Variants in TENM2 observed in about 807,000 individuals in gnomAD.
TENM2 encodes the protein teneurin transmembrane protein 2.
TENM2 carries 52 observed loss-of-function variants against 245.2 expected under a neutral mutation model. The observed-to-expected ratio is 0.21, with a 90% confidence interval of 0.17 to 0.27. The LOEUF is 0.27. Ranked by LOEUF, TENM2 falls within the 10% of genes least tolerant of loss-of-function variation. TENM2 has a pLI of 1.00. For missense variants in TENM2, 3,046 were observed against 3,666.8 expected, an observed-to-expected ratio of 0.83 and a Z score of 4.37; for synonymous variants, 1,363 against 1,438.9, an observed-to-expected ratio of 0.95 and a Z score of 1.19.
chr5:167,287,012 T>A (rs1322349170), intron 1 of TENM2, among the ~76,000 whole-genome samples: 1 of 152,232 alleles, frequency 6.6e-6, no homozygotes, highest in Non-Finnish European at 1.5e-5. Flanking sequence ...TTGTGTAATG[T>A]GTTTGCATGA....
intron 1 of TENM2, 56 bp downstream of exon 3, chr5:167,285,119 C>A: frequency 2.2e-6 from 3 of 1,359,440 alleles, no homozygotes; most frequent in Non-Finnish European, 3.1e-6. Context: ...ACTTGATTTA[C>A]ATGGTTGATG....
chr5:167,537,226 A>G (rs1771908405), intron 2 of TENM2, among the ~76,000 whole-genome samples: 1 of 141,650 alleles, frequency 7.1e-6, no homozygotes, highest in Non-Finnish European at 1.5e-5. Context: ...AGCCTGGGCA[A>G]TATAGTGAGA....
intron 2 of TENM2, among the ~76,000 whole-genome samples, chr5:167,791,215 T>G (rs2150895189): frequency 6.6e-6 from 1 of 152,082 alleles, no homozygotes; most frequent in East Asian, 1.9e-4. Flanking sequence ...TTCAGTTTTT[T>G]GTATACTTTT....
intron 2 of TENM2, among the ~76,000 whole-genome samples, chr5:167,818,944 C>G (rs2151026402): frequency 6.6e-6 from 1 of 152,212 alleles, no homozygotes; most frequent in Non-Finnish European, 1.5e-5. Flanking sequence ...CATTCTGGGC[C>G]TAGGGAACCA....
At position 167,873,537 on chromosome 5, in the gene TENM2, A is replaced by G. The variant is rs1387862221; in HGVS notation, c.503-2449A>G. ...GTATGAAATGGGAATGTGTTATTTCATTTTATGGGAATATATGATAATTCT... is the reference window on the plus strand; with the variant it reads ...GTATGAAATGGGAATGTGTTATTTCGTTTTATGGGAATATATGATAATTCT... On this transcript the variant is annotated intron_variant, in intron 2 of 28. Transcript: ENST00000518659. Among the ~76,000 whole-genome samples, 8 of 152,162 alleles carry G rather than the reference A, an allele frequency of 5.3e-5. No individual in the cohort carries two copies. In the East Asian group the frequency reaches 1.5e-3, roughly 29 times the overall value.
At chr5:167,812,957 A>G (rs1189426435) in intron 2 of TENM2, among the ~76,000 whole-genome samples, 1 of 152,222 alleles carries the variant, frequency 6.6e-6, no homozygotes, top group Non-Finnish European at 1.5e-5. Flanking sequence ...AAGGCAGGCT[A>G]CAGGGCATAA....
At chr5:168,205,103 G>C (rs938399601) in intron 19 of TENM2, among the ~76,000 whole-genome samples, 5 of 152,152 alleles carry the variant, frequency 3.3e-5, no homozygotes, top group African/African-American at 1.2e-4. Context: ...CCCATTGCTG[G>C]CTACTAAGTC....
At chr5:167,704,716 G>A (rs1465733750) in intron 2 of TENM2, among the ~76,000 whole-genome samples, 1 of 152,184 alleles carries the variant, frequency 6.6e-6, no homozygotes, top group Non-Finnish European at 1.5e-5. Context: ...AACTGGTTTT[G>A]CGTTTTTTGG....
chr5:167,511,621 A>G (rs1047513811), intron 2 of TENM2, among the ~76,000 whole-genome samples: 5 of 152,236 alleles, frequency 3.3e-5, no homozygotes, highest in African/African-American at 1.2e-4. Flanking sequence ...TCCATGAATG[A>G]GATAAATGGA....
intron 2 of TENM2, among the ~76,000 whole-genome samples, chr5:167,651,116 A>G (rs1754430937): frequency 6.6e-6 from 1 of 151,968 alleles, no homozygotes; most frequent in Non-Finnish European, 1.5e-5. Context: ...AAACAATTAG[A>G]TGAATACTCC....
chr5:167,611,452 TCCCTCCGTGGACCCCAA>T (rs1183664299), intron 2 of TENM2, among the ~76,000 whole-genome samples: 2 of 151,936 alleles, frequency 1.3e-5, no homozygotes, highest in African/African-American at 2.4e-5. Context: ...GGAGGCTGCA[TCCCTCCGTGGACCCCAA>T]CCCTCTCTGC....
At position 168,191,702 on chromosome 5, in the gene TENM2, G is replaced by A. The variant is rs896007859; in HGVS notation, c.2780+1155G>A. ...ACTCTGGATGTATGCTACTTCTCTC[G>A]GCTTCCAAGCAGGGAAGAAATACTA... On this transcript the variant is annotated intron_variant, in intron 14 of 28. Transcript: ENST00000518659. Among the ~76,000 whole-genome samples, 4 of 151,878 alleles carry A rather than the reference G, an allele frequency of 2.6e-5. No individual in the cohort carries two copies. In the East Asian group the frequency reaches 5.8e-4, roughly 22 times the overall value.
the TENM2 span, among the ~76,000 whole-genome samples, chr5:167,101,861 A>T: frequency 4.9e-5 from 6 of 122,924 alleles, no homozygotes; most frequent in Non-Finnish European, 1.0e-4. Context: ...ATATATATAT[A>T]TATATATATA....
chr5:167,776,492 G>A lies in TENM2; in HGVS notation c.503-99494G>A, dbSNP rs143703902. On this transcript the variant is annotated intron_variant, in intron 2 of 28. Coordinates refer to ENST00000518659, the Ensembl canonical transcript of TENM2. Reference sequence around the variant, plus strand: ...ATGCCTGTAGTCCCAGCTACTTGGGGTCTGAAGTGGGAAGATTGCTTGGGC... The same window carrying A: ...ATGCCTGTAGTCCCAGCTACTTGGGATCTGAAGTGGGAAGATTGCTTGGGC... Among the ~76,000 whole-genome samples, 955 of 149,574 alleles carry A rather than the reference G, an allele frequency of 6.4e-3. 11 individuals carry two copies. Among genetic ancestry groups the A allele is most frequent in the African/African-American group, 0.022 (909 of 40,518 alleles).
the TENM2 span, among the ~76,000 whole-genome samples, chr5:166,991,357 A>G: frequency 1.3e-5 from 2 of 151,746 alleles, no homozygotes; most frequent in South Asian, 4.1e-4. Context: ...TAAATTGGAT[A>G]TTTGTGTGCG....
intron 2 of TENM2, among the ~76,000 whole-genome samples, chr5:167,619,035 A>G (rs559019712): frequency 1.4e-4 from 21 of 152,082 alleles, no homozygotes; most frequent in African/African-American, 5.1e-4. Flanking sequence ...TTCTAGGAGC[A>G]CTCACTACTC....
chr5:167,485,117 G>A (rs781243303), intron 2 of TENM2, among the ~76,000 whole-genome samples: 5 of 152,098 alleles, frequency 3.3e-5, no homozygotes, highest in African/African-American at 9.7e-5. Flanking sequence ...GGCCCTATTA[G>A]GAAGTAGACT....
At chr5:168,089,002 A>G (rs1792699050) in intron 7 of TENM2, among the ~76,000 whole-genome samples, 1 of 152,204 alleles carries the variant, frequency 6.6e-6, no homozygotes, top group East Asian at 1.9e-4. Context: ...TTCATCGGCT[A>G]AAACCTACAC....
intron 12 of TENM2, among the ~76,000 whole-genome samples, chr5:168,150,121 G>T (rs1455287479): frequency 2.0e-5 from 3 of 152,138 alleles, no homozygotes; most frequent in East Asian, 1.9e-4. Context: ...GTTTATTGTA[G>T]GTCTCCTCAC....
Sources: gnomAD v4.1 joint callset for allele counts (sites outside exome capture counted in the v4.1 genomes callset) on GRCh38, gnomAD v4.1.1 for gene constraint, MANE v1.5 for transcripts, NCBI Gene and HGNC (gene_info 2026-07-23, HGNC 2026-07-21) for gene names.